Variants in RANBP17 observed in about 807,000 individuals in gnomAD.
RANBP17 encodes RAN binding protein 17.
A neutral mutation model predicts 141.2 loss-of-function variants in RANBP17; 158 were observed. The observed-to-expected ratio is 1.12, with a 90% confidence interval of 0.98 to 1.28. RANBP17 has a LOEUF of 1.28. RANBP17 is among the 50% of genes most tolerant of loss of function. The pLI is 0.00. For synonymous variants in RANBP17, 430 were observed against 450.0 expected, an observed-to-expected ratio of 0.96 and a Z score of 0.56; for missense variants, 1,438 against 1,290.7, an observed-to-expected ratio of 1.11 and a Z score of -1.75.
rs192195565 is a variant in RANBP17 at position 171,053,064 on chromosome 5, C to T, written c.1710+84687C>T. Among the ~76,000 whole-genome samples, 66 of 152,318 alleles carry T rather than the reference C, an allele frequency of 4.3e-4. 1 individual carries two copies. In the East Asian group the frequency reaches 0.011, roughly 26 times the overall value. On this transcript the variant is annotated intron_variant, in intron 14 of 27. Transcript: ENST00000523189. The stretch of plus-strand genomic sequence containing the variant: ...CAAAATCTTAACCTCAGGTGATCCA[C>T]CTGCCTCAGCATCCCAAAGTCCTGG...
At chr5:171,173,550 C>T (rs530100761) in intron 16 of RANBP17, among the ~76,000 whole-genome samples, 3 of 152,132 alleles carry the variant, frequency 2.0e-5, no homozygotes, top group East Asian at 1.9e-4. Context: ...GAACCTTACT[C>T]AGTGTTTATG....
intron 14 of RANBP17, among the ~76,000 whole-genome samples, chr5:171,159,225 G>T (rs1240828703): frequency 1.3e-5 from 2 of 152,120 alleles, no homozygotes; most frequent in Non-Finnish European, 2.9e-5. Flanking sequence ...TATCACATTG[G>T]CTATGTATGT....
chr5:170,970,930 TATCTG>T (rs1374414189), intron 14 of RANBP17, among the ~76,000 whole-genome samples: 3 of 152,170 alleles, frequency 2.0e-5, no homozygotes, highest in African/African-American at 7.2e-5. Context: ...TGTTTATTGT[TATCTG>T]AAAGAGCCTG....
intron 16 of RANBP17, 72 bp downstream of exon 16, chr5:171,171,358 C>A: frequency 1.2e-6 from 1 of 835,156 alleles, no homozygotes; most frequent in Non-Finnish European, 1.9e-6. Context: ...ACCAGGTATT[C>A]TCCTTGTTTA....
At position 171,164,348 on chromosome 5, in the gene RANBP17, G is replaced by A. The variant is rs148589380; in HGVS notation, c.1711-5782G>A. On this transcript the variant is annotated intron_variant, in intron 14 of 27. Transcript: ENST00000523189. ...TAAAAGAAATTTTAAAAATTATTTC[G>A]GCACATGCTTTTTTTATTCTTTATT... 2.7e-3 allele frequency among the ~76,000 whole-genome samples: 414 copies of A among 152,154 alleles called. 4 individuals carry two copies. The highest frequency in any genetic ancestry group is 9.5e-3 in the African/African-American group (396 of 41,528).
chr5:171,167,147 A>T (rs1759757684), intron 14 of RANBP17, among the ~76,000 whole-genome samples: 1 of 152,174 alleles, frequency 6.6e-6, no homozygotes, highest in South Asian at 2.1e-4. Context: ...TGCTTTGAGA[A>T]ACTGTTTTGA....
At chr5:171,066,006 G>A (rs1341075847) in intron 14 of RANBP17, among the ~76,000 whole-genome samples, 6 of 151,568 alleles carry the variant, frequency 4.0e-5, no homozygotes, top group Non-Finnish European at 7.4e-5. Context: ...GATTACAGAC[G>A]CCCACCACCA....
At chr5:170,888,636 G>C (rs1389530814) in intron 3 of RANBP17, among the ~76,000 whole-genome samples, 1 of 151,966 alleles carries the variant, frequency 6.6e-6, no homozygotes, top group African/African-American at 2.4e-5. Context: ...TACATATCAT[G>C]CCATCTGTGA....
intron 14 of RANBP17, among the ~76,000 whole-genome samples, chr5:171,037,101 A>G (rs1031162039): frequency 3.3e-5 from 5 of 151,274 alleles, no homozygotes; most frequent in South Asian, 2.1e-4. Flanking sequence ...GCCAGCATCT[A>G]TTGTTTTTTT....
intron 14 of RANBP17, among the ~76,000 whole-genome samples, chr5:171,049,232 T>C (rs185605853): frequency 6.6e-6 from 1 of 152,334 alleles, no homozygotes; most frequent in Admixed American, 6.5e-5. Flanking sequence ...TAATGATTAG[T>C]GATGCTGAAT....
chr5:170,965,511 C>T (rs1176204565), intron 13 of RANBP17, among the ~76,000 whole-genome samples: 2 of 152,134 alleles, frequency 1.3e-5, no homozygotes, highest in Non-Finnish European at 2.9e-5. Flanking sequence ...AGGTTTTCTT[C>T]TAGGGTTTTT....
At chr5:170,879,829 G>C (rs934310859) in intron 2 of RANBP17, among the ~76,000 whole-genome samples, 1 of 152,072 alleles carries the variant, frequency 6.6e-6, no homozygotes, top group Non-Finnish European at 1.5e-5. Flanking sequence ...TTCCAACACA[G>C]AATATTCAGA....
chr5:171,287,627 T>G lies in RANBP17; in HGVS notation c.2944-6256T>G, dbSNP rs1457484175. On this transcript the variant is annotated intron_variant, in intron 25 of 27. Transcript: ENST00000523189. ...TCCCCACCCCCTATCCAGGTCCAGA[T>G]ACAGGGATGCTTTGTCATTGGTCTC... 7.9e-5 allele frequency among the ~76,000 whole-genome samples: 12 copies of G among 152,012 alleles called. No homozygotes were observed. The East Asian group carries it at 2.3e-3, about 29-fold the overall frequency.
intron 1 of RANBP17, among the ~76,000 whole-genome samples, chr5:170,875,005 T>C (rs1313277317): frequency 6.6e-6 from 1 of 152,178 alleles, no homozygotes; most frequent in Non-Finnish European, 1.5e-5. Context: ...CTTCAGGAGC[T>C]CTTGGAAGGC....
At position 171,160,514 on chromosome 5, in the gene RANBP17, C is replaced by G. The variant is rs1418581488; in HGVS notation, c.1711-9616C>G. 3.3e-5 allele frequency among the ~76,000 whole-genome samples: 5 copies of G among 152,144 alleles called. No individual in the cohort carries two copies. The East Asian group carries it at 9.6e-4, about 29-fold the overall frequency. ...AAAATTCCACAGATTAGGTACTACT[C>G]TCATCCTTTTTATATTTGAGGAAAC... On this transcript the variant is annotated intron_variant, in intron 14 of 27. Coordinates refer to ENST00000523189, the MANE Select transcript of RANBP17 (RefSeq NM_022897.5).
In RANBP17 at chr5:171,171,235, A is replaced by G. The variant is rs766158035; in HGVS notation, c.1814A>G (p.Tyr605Cys). The change falls in exon 16 of 28, where the codon TAT becomes TGT. Residue 605 changes from tyrosine (Y) to cysteine (C), a missense_variant. Physicochemically the swap from Tyr to Cys is radical, Grantham distance 194. Transcript: ENST00000523189. ...IVTNLKYWGR[Y>C]EPVISRTLQF... ...ACAAACCTTAAATACTGGGGAAGAT[A>G]TGAGCCTGTAATTTCAAGGACTCTT... 7 of 1,597,158 alleles carry G rather than the reference A, an allele frequency of 4.4e-6. No individual in the cohort carries two copies. The highest frequency in any genetic ancestry group is 1.7e-5 in the Admixed American group (1 of 58,456).
chr5:171,298,265 G>A (rs991048667), intron 27 of RANBP17, among the ~76,000 whole-genome samples: 15 of 152,132 alleles, frequency 9.9e-5, no homozygotes, highest in African/African-American at 3.6e-4. Flanking sequence ...GGTAGAGCTA[G>A]GATTTGAACC....
At chr5:171,086,849 T>G (rs1184792450) in intron 14 of RANBP17, among the ~76,000 whole-genome samples, 6 of 147,822 alleles carry the variant, frequency 4.1e-5, no homozygotes, top group Non-Finnish European at 7.5e-5. Context: ...TTGATTCTTC[T>G]CTCTTTTTTT....
intron 14 of RANBP17, among the ~76,000 whole-genome samples, chr5:171,063,115 A>G (rs10077478): frequency 0.64 from 97,061 of 151,920 alleles, 31,734 homozygotes; most frequent in South Asian, 0.88. Flanking sequence ...ATTTCCTCTT[A>G]TAGCTCGGAG....
Sources: allele counts gnomAD v4.1 joint callset (sites outside exome capture counted in the v4.1 genomes callset), GRCh38; gene constraint gnomAD v4.1.1; transcripts MANE v1.5; gene names NCBI Gene and HGNC (gene_info 2026-07-23, HGNC 2026-07-21).